The following DIPK1C variants were observed in gnomAD, a reference collection of about 807,000 sequenced individuals.
DIPK1C encodes the protein familial non-conventional Alzheimer's dementia.
Under a neutral mutation model 28.0 loss-of-function variants are expected in DIPK1C, and 33 were observed. The observed-to-expected ratio is 1.18, with a 90% CI of 0.89 to 1.58. The LOEUF (loss-of-function observed/expected upper bound fraction) is 1.58. Among genes scored for constraint, DIPK1C ranks in the 40% most tolerant of loss-of-function variants. The pLI is 0.00. For synonymous variants in DIPK1C, 255 were observed against 248.8 expected (o/e 1.02, Z -0.23); for missense variants, 569 against 568.5 (o/e 1.00, Z -0.01).
intron 3 of DIPK1C, among the ~76,000 whole-genome samples, chr18:74,437,202 G>A (rs1336150168): frequency 6.6e-6 from 1 of 152,182 alleles, no homozygotes; most frequent in East Asian, 1.9e-4. Context: ...CTGTCCAGAG[G>A]GCCAAATGGT....
At chr18:74,451,419 G>T (rs558065069) in intron 1 of DIPK1C, among the ~76,000 whole-genome samples, 2 of 152,278 alleles carry the variant, frequency 1.3e-5, no homozygotes, top group Non-Finnish European at 2.9e-5. Context: ...CTACCCCAGT[G>T]CTCATTAAAT....
At chr18:74,455,292 T>G (rs553145930) in intron 1 of DIPK1C, among the ~76,000 whole-genome samples, 2 of 152,322 alleles carry the variant, frequency 1.3e-5, no homozygotes, top group African/African-American at 4.8e-5. Context: ...AAAATGGCAT[T>G]CGTTTTCTAT....
chr18:74,437,725 C>G (rs17089291), intron 3 of DIPK1C, among the ~76,000 whole-genome samples: 1 of 152,066 alleles, frequency 6.6e-6, no homozygotes, highest in Non-Finnish European at 1.5e-5. Context: ...AAGGCTAGAC[C>G]GTGATCTCAG....
At position 74,446,764 on chromosome 18, in the gene DIPK1C, G is replaced by C; in HGVS notation, c.718C>G (p.Arg240Gly). The change falls in exon 2 of 4, where the codon CGG becomes GGG. Residue 240 changes from arginine (R) to glycine (G), a missense_variant. Transcript: ENST00000343998. ...CCACCCCCAGGGGCACCTGGGGCCC[G>C]GTCCAGGGGGAAGAGTGCCCTGTGG... ...PHHRALFPLD[R>G]APGAPGGGQA... 6.6e-7 allele frequency: 1 copy of C among 1,518,630 alleles called. No homozygotes were observed. The highest frequency in any genetic ancestry group is 1.3e-5 in the South Asian group (1 of 79,594). 94.1% of individuals were successfully genotyped at this position (1,518,630 alleles called of 1,614,324 possible).
chr18:74,442,475 C>T (rs1464696262), intron 2 of DIPK1C, among the ~76,000 whole-genome samples: 3 of 152,150 alleles, frequency 2.0e-5, no homozygotes, highest in East Asian at 1.9e-4. Flanking sequence ...ACTACAGGTG[C>T]CCACCACCAC....
chr18:74,445,547 C>T (rs1986240276), intron 2 of DIPK1C, among the ~76,000 whole-genome samples: 1 of 152,230 alleles, frequency 6.6e-6, no homozygotes, highest in South Asian at 2.1e-4. Context: ...CCATGCCATT[C>T]CTATGCCACC....
At chr18:74,440,996 G>A (rs573151045) in intron 3 of DIPK1C, among the ~76,000 whole-genome samples, 14 of 152,178 alleles carry the variant, frequency 9.2e-5, no homozygotes, top group African/African-American at 3.1e-4. Flanking sequence ...CGGGGTGTTT[G>A]TTTGGCCTGG....
At chr18:74,463,886 C>A in the DIPK1C span, among the ~76,000 whole-genome samples, 1 of 152,196 alleles carries the variant, frequency 6.6e-6, no homozygotes, top group Non-Finnish European at 1.5e-5. Context: ...TTCTCAGCAG[C>A]AGACGGAAGA....
intron 3 of DIPK1C, among the ~76,000 whole-genome samples, chr18:74,440,889 C>A (rs1477113556): frequency 6.6e-6 from 1 of 152,222 alleles, no homozygotes; most frequent in African/African-American, 2.4e-5. Context: ...GATGGAGACG[C>A]CTCTGAAAGC....
chr18:74,442,098 C>T lies in DIPK1C; in HGVS notation c.895G>A (p.Asp299Asn). 1.2e-6 allele frequency: 2 copies of T among 1,614,158 alleles called. No individual in the cohort carries two copies. The highest frequency in any genetic ancestry group is 2.2e-5 in the East Asian group (1 of 44,862). ...ATTTTAGGTTCAAAAAAGGCCATGT[C>T]CACATCAATAGCCACCACCTGTAAT... is the stretch of plus-strand genomic sequence containing the variant. ...SDFTVVAIDV[D>N]MAFFEPKMRE... Residue 299 changes from aspartate (D) to asparagine (N), a missense_variant, in exon 3 of 4, where the codon GAC becomes AAC. Transcript: ENST00000343998.
intron 1 of DIPK1C, among the ~76,000 whole-genome samples, chr18:74,452,316 A>G (rs1043049123): frequency 6.6e-6 from 1 of 152,124 alleles, no homozygotes; most frequent in African/African-American, 2.4e-5. Flanking sequence ...TTCGTCTCCC[A>G]TGGCTTACCA....
At chr18:74,451,858 C>T (rs1986404605) in intron 1 of DIPK1C, among the ~76,000 whole-genome samples, 2 of 152,194 alleles carry the variant, frequency 1.3e-5, no homozygotes, top group South Asian at 4.1e-4. Context: ...TTAAAACGCA[C>T]ACAGCTCTTC....
chr18:74,456,705 G>A lies in DIPK1C; in HGVS notation c.198+357C>T, dbSNP rs1220823528. ...CGCACTGGCTTGCGCCCCGAGCCCG[G>A]CGGCCTGACACCGGACGCGGCACCT... On this transcript the variant is annotated intron_variant, in intron 1 of 3. Coordinates refer to ENST00000343998, the MANE Select transcript of DIPK1C (RefSeq NM_001044369.3). Among the ~76,000 whole-genome samples the A allele has an allele frequency of 2.0e-5, 3 of 152,172 alleles. No homozygotes were observed. In the South Asian group the frequency reaches 6.2e-4, roughly 31 times the overall value.
intron 3 of DIPK1C, among the ~76,000 whole-genome samples, chr18:74,441,169 G>A (rs1421347640): frequency 2.6e-5 from 4 of 152,204 alleles, no homozygotes; most frequent in Non-Finnish European, 5.9e-5. Context: ...AAGGAATGAG[G>A]AGGACAAGCT....
chr18:74,444,769 G>C (rs1383979646), intron 2 of DIPK1C, among the ~76,000 whole-genome samples: 1 of 152,156 alleles, frequency 6.6e-6, no homozygotes, highest in Non-Finnish European at 1.5e-5. Context: ...CCAGGCCAAG[G>C]CTGCAGTGGA....
chr18:74,462,575 A>G (rs1326995962), upstream of DIPK1C, among the ~76,000 whole-genome samples: 1 of 152,044 alleles, frequency 6.6e-6, no homozygotes, highest in African/African-American at 2.4e-5. Context: ...AGTGACACAT[A>G]TGCATGTGTC....
At position 74,456,538 on chromosome 18, in the gene DIPK1C, G is replaced by C. The variant is rs540598447; in HGVS notation, c.198+524C>G. 1.3e-4 allele frequency among the ~76,000 whole-genome samples: 20 copies of C among 152,324 alleles called. No individual in the cohort carries two copies. The South Asian group carries it at 3.7e-3, about 28-fold the overall frequency. On this transcript the variant is annotated intron_variant, in intron 1 of 3. Coordinates refer to ENST00000343998, the MANE Select transcript of DIPK1C (RefSeq NM_001044369.3). ...AGCCTGGGCTCTGGAGCGCAGGGGGGCCGGGGTCAGACCAGCCCTCCGCAT... is the reference window on the plus strand; with the variant it reads ...AGCCTGGGCTCTGGAGCGCAGGGGGCCCGGGGTCAGACCAGCCCTCCGCAT...
intron 1 of DIPK1C, among the ~76,000 whole-genome samples, chr18:74,454,923 A>C (rs1452795404): frequency 6.6e-6 from 1 of 152,130 alleles, no homozygotes; most frequent in Non-Finnish European, 1.5e-5. Flanking sequence ...TGTAAAGAGT[A>C]AGGAACTCAA....
chr18:74,463,809 C>A, the DIPK1C span, among the ~76,000 whole-genome samples: 4 of 152,192 alleles, frequency 2.6e-5, no homozygotes, highest in Admixed American at 2.0e-4. Context: ...ATTGTTAAGC[C>A]TGCCCAAAAG....
Sources: gnomAD v4.1 joint callset for allele counts (sites outside exome capture counted in the v4.1 genomes callset) on GRCh38, gnomAD v4.1.1 for gene constraint, MANE v1.5 for transcripts, NCBI Gene and HGNC (gene_info 2026-07-23, HGNC 2026-07-21) for gene names.